DRICH1: variants seen among roughly 807,000 people sequenced by gnomAD.
The protein encoded by DRICH1 is aspartate rich 1, also known as aspartate-rich protein 1.
In DRICH1, 38 loss-of-function variants were observed where a neutral mutation model predicts 39.5. The ratio of observed to expected loss-of-function variants is 0.96; its 90% CI spans 0.74 to 1.26. The LOEUF is 1.26. Among genes scored for constraint, DRICH1 ranks in the 50% most tolerant of loss-of-function variants. The pLI is 0.00. For synonymous variants in DRICH1, 84 were observed against 99.5 expected (o/e 0.84, Z 0.93); for missense variants, 279 against 270.4 (o/e 1.03, Z -0.22).
chr22:23,595,155 A>G, the DRICH1 span, among the ~76,000 whole-genome samples: 23,614 of 114,354 alleles, frequency 0.21, 2,206 homozygotes, highest in Middle Eastern at 0.24. Flanking sequence ...TTTCATAAGA[A>G]CTGGACCTCC....
chr22:23,599,977 G>A, the DRICH1 span, among the ~76,000 whole-genome samples: 5 of 152,232 alleles, frequency 3.3e-5, no homozygotes, highest in Non-Finnish European at 7.3e-5. Flanking sequence ...ATCAGGAGCT[G>A]AGGGTCTATA....
In DRICH1 at chr22:23,613,332, T is replaced by A. The variant is rs752362820; in HGVS notation, c.644-2A>T. On this transcript the variant is annotated splice_acceptor_variant, in intron 10 of 11. Coordinates refer to ENST00000317749, the MANE Select transcript of DRICH1 (RefSeq NM_016449.4). LOFTEE classifies it high-confidence loss of function. ...CACTTAGACTCTCCAGCGTCAAGTC[T>A]TTAGAAACAAAAACACCAGAATAAG... The A allele has an allele frequency of 3.1e-6, 5 of 1,612,164 alleles. No individual in the cohort carries two copies. In the African/African-American group the frequency reaches 6.7e-5, roughly 22 times the overall value.
At chr22:23,632,434 C>A (rs942106728), upstream of DRICH1, 17 of 249,672 alleles carry the variant, frequency 6.8e-5, no homozygotes, top group Admixed American at 4.1e-4. Context: ...CCCCACAGCC[C>A]CCCCCAATGC....
rs138985101 is a variant in DRICH1, at chr22:23,625,392, A to G, written c.277-488T>C. ...TCCATTTTTAACACAAACTGTCTTG[A>G]ACCAGTGTAGGTCAGCAAAAAAACA... On this transcript the variant is annotated intron_variant, in intron 2 of 11. Transcript: ENST00000317749. 4.6e-5 allele frequency among the ~76,000 whole-genome samples: 7 copies of G among 151,600 alleles called. No homozygotes were observed. In the East Asian group the frequency reaches 1.2e-3, roughly 25 times the overall value.
intron 1 of DRICH1, among the ~76,000 whole-genome samples, chr22:23,627,247 A>C (rs1306668619): frequency 4.0e-5 from 6 of 151,608 alleles, no homozygotes; most frequent in Non-Finnish European, 8.8e-5. Context: ...TAATTTTTGC[A>C]TTTTTAGTAG....
intron 3 of DRICH1, among the ~76,000 whole-genome samples, chr22:23,623,143 G>A (rs911192201): frequency 6.6e-6 from 1 of 152,162 alleles, no homozygotes; most frequent in Non-Finnish European, 1.5e-5. Flanking sequence ...GGTGGCTCAT[G>A]CCTATAATCC....
intron 8 of DRICH1, 80 bp from the exon 9 acceptor site, chr22:23,614,294 G>A (rs1927222551): frequency 4.2e-6 from 4 of 959,292 alleles, no homozygotes; most frequent in South Asian, 1.3e-5. Context: ...TGGATGTGGT[G>A]TATGGAGGTG....
chr22:23,581,798 G>A, the DRICH1 span, among the ~76,000 whole-genome samples: 1 of 151,368 alleles, frequency 6.6e-6, no homozygotes, highest in South Asian at 2.1e-4. Flanking sequence ...GTAGAGATGG[G>A]GTTCACCATG....
At chr22:23,611,401 T>C (rs921335949) in intron 11 of DRICH1, among the ~76,000 whole-genome samples, 3 of 151,538 alleles carry the variant, frequency 2.0e-5, no homozygotes, top group Admixed American at 2.0e-4. Context: ...CATTTTTTTT[T>C]TTTTTTTGAG....
At chr22:23,625,869 CT>C (rs1456319304) in intron 2 of DRICH1, 111 bp downstream of exon 2, 5 of 818,912 alleles carry the variant, frequency 6.1e-6, no homozygotes, top group Non-Finnish European at 1.0e-5. Context: ...AAAAGTCTTA[CT>C]TTTGCTGTTC....
the DRICH1 span, among the ~76,000 whole-genome samples, chr22:23,590,278 A>ATTTTTTTTTTTTTT: frequency 7.3e-6 from 1 of 137,528 alleles, no homozygotes. Flanking sequence ...CAGCCCTTTG[A>ATTTTTTTTTTTTTT]TTTTTTTTTT....
chr22:23,583,364 G>T, the DRICH1 span: 4 of 152,154 alleles, frequency 2.6e-5, no homozygotes, highest in African/African-American at 9.7e-5. Context: ...AGTGCCATCT[G>T]ATGGCTTGTC....
chr22:23,590,132 C>A, the DRICH1 span, among the ~76,000 whole-genome samples: 3 of 152,102 alleles, frequency 2.0e-5, no homozygotes, highest in African/African-American at 7.2e-5. Flanking sequence ...ACGGGAAGCA[C>A]CTTCTGTTTG....
downstream of DRICH1, among the ~76,000 whole-genome samples, chr22:23,603,845 G>A (rs989548285): frequency 6.6e-6 from 1 of 152,010 alleles, no homozygotes; most frequent in South Asian, 2.1e-4. Context: ...TGAGCAAGAC[G>A]ATGAGTGGAT....
intron 8 of DRICH1, among the ~76,000 whole-genome samples, chr22:23,615,450 T>G (rs1021265497): frequency 4.6e-5 from 7 of 152,178 alleles, no homozygotes; most frequent in Non-Finnish European, 8.8e-5. Context: ...AACCAAAAAT[T>G]TTTATCAGTC....
the DRICH1 span, chr22:23,583,901 G>C: frequency 6.6e-6 from 1 of 152,668 alleles, no homozygotes; most frequent in East Asian, 1.9e-4. Flanking sequence ...ATCACTGCCT[G>C]GGACTCAGAA....
chr22:23,593,975 C>A, the DRICH1 span, among the ~76,000 whole-genome samples: 1 of 4,976 alleles, frequency 2.0e-4, no homozygotes, highest in East Asian at 1.9e-3. Context: ...AAGACTCTGT[C>A]TCAAAAAAAA....
At chr22:23,613,200 T>C in intron 11 of DRICH1, 89 bp downstream of exon 11, 2 of 940,972 alleles carry the variant, frequency 2.1e-6, no homozygotes, top group Middle Eastern at 3.2e-4. Flanking sequence ...TACCCCCTCC[T>C]TCAGCCCCTC....
At chr22:23,609,115 A>G (rs1926892646) in intron 11 of DRICH1, among the ~76,000 whole-genome samples, 1 of 152,120 alleles carries the variant, frequency 6.6e-6, no homozygotes, top group Non-Finnish European at 1.5e-5. Context: ...TGGTCATTCA[A>G]CTGTAGCCCA....
Sources: allele counts gnomAD v4.1 joint callset (sites outside exome capture counted in the v4.1 genomes callset), GRCh38; gene constraint gnomAD v4.1.1; transcripts MANE v1.5; gene names NCBI Gene and HGNC (gene_info 2026-07-23, HGNC 2026-07-21).